The following PTPRN2 variants were observed in gnomAD, a reference collection of about 807,000 sequenced individuals.
The protein encoded by PTPRN2 is receptor-type tyrosine-protein phosphatase N2.
PTPRN2 carries 74 observed loss-of-function variants against 118.8 expected under a neutral mutation model. The ratio of observed to expected loss-of-function variants is 0.62; its 90% CI spans 0.52 to 0.76. The LOEUF (loss-of-function observed/expected upper bound fraction) is 0.76. Among genes scored for constraint, PTPRN2 ranks in the 30% least tolerant of loss-of-function variants. The probability of loss-of-function intolerance (pLI) is 0.00; values close to 1 mark genes in which losing one functional copy is unlikely to be tolerated. For synonymous variants in PTPRN2, 641 were observed against 608.0 expected, an observed-to-expected ratio of 1.05 and a Z score of -0.80; for missense variants, 1,481 against 1,394.4, an observed-to-expected ratio of 1.06 and a Z score of -0.99.
chr7:158,518,470 A>G (rs1202638277), intron 1 of PTPRN2, among the ~76,000 whole-genome samples: 3 of 152,198 alleles, frequency 2.0e-5, no homozygotes, highest in African/African-American at 7.2e-5. Context: ...AAGTGAAGAA[A>G]ATGCACAGCC....
intron 11 of PTPRN2, among the ~76,000 whole-genome samples, chr7:158,020,722 C>G (rs1806813032): frequency 6.6e-6 from 1 of 152,194 alleles, no homozygotes; most frequent in Non-Finnish European, 1.5e-5. Flanking sequence ...GAAACTGATA[C>G]AGAAACGGAA....
At chr7:158,404,518 G>A (rs913833221) in intron 2 of PTPRN2, among the ~76,000 whole-genome samples, 5 of 152,142 alleles carry the variant, frequency 3.3e-5, no homozygotes, top group Admixed American at 3.3e-4. Flanking sequence ...CTCCCCAGGG[G>A]ACGTGGCTTT....
chr7:158,087,958 C>G (rs1813622800), intron 10 of PTPRN2, among the ~76,000 whole-genome samples: 1 of 111,770 alleles, frequency 8.9e-6, no homozygotes, highest in Non-Finnish European at 2.0e-5. Context: ...TCACACAAAC[C>G]TTCTTCCCCT....
rs1797400370 is a variant in PTPRN2 at position 157,690,106 on chromosome 7, C to A, written c.1789-7169G>T. ...GCAACGCGAAAGGCCGAGAGAAGAGCGCTGGGGAGAAGTCCCGGAGGTCCT... is the reference window on the plus strand; with the variant it reads ...GCAACGCGAAAGGCCGAGAGAAGAGAGCTGGGGAGAAGTCCCGGAGGTCCT... On this transcript the variant is annotated intron_variant, in intron 12 of 22. Coordinates refer to ENST00000389418, the MANE Select transcript of PTPRN2 (RefSeq NM_002847.5). The surrounding 1 kb of genome is among the most constrained non-coding windows in gnomAD (Gnocchi z 7.1). Among the ~76,000 whole-genome samples the A allele has an allele frequency of 6.6e-6, 1 of 152,218 alleles. No individual in the cohort carries two copies. Among genetic ancestry groups the A allele is most frequent in the Non-Finnish European group, 1.5e-5 (1 of 68,028 alleles).
chr7:158,270,782 C>CG (rs201232607), intron 3 of PTPRN2, among the ~76,000 whole-genome samples: 4,460 of 99,080 alleles, frequency 0.045, 484 homozygotes, highest in African/African-American at 0.081. Flanking sequence ...CCACCTGGAC[C>CG]ACCCCTCCAC....
At chr7:158,108,036 AC>A (rs929222190) in intron 10 of PTPRN2, among the ~76,000 whole-genome samples, 1 of 150,894 alleles carries the variant, frequency 6.6e-6, no homozygotes, top group Non-Finnish European at 1.5e-5. Context: ...CCCCCAAAAA[AC>A]ATCTGCATCT....
intron 14 of PTPRN2, among the ~76,000 whole-genome samples, chr7:157,635,339 C>T (rs1487126992): frequency 6.6e-6 from 1 of 152,248 alleles, no homozygotes; most frequent in Non-Finnish European, 1.5e-5. Flanking sequence ...GATCAAAGGC[C>T]TCTTGTGTCC....
intron 1 of PTPRN2, among the ~76,000 whole-genome samples, chr7:158,534,600 T>C (rs1430538634): frequency 6.6e-6 from 1 of 152,124 alleles, no homozygotes; most frequent in South Asian, 2.1e-4. Flanking sequence ...CCTCCATCCA[T>C]CTTGCAATGG....
At position 157,540,634 on chromosome 7, in the gene PTPRN2, GAC is replaced by G; in HGVS notation, c.*78_*79del. The G allele has an allele frequency of 8.1e-7, 1 of 1,227,312 alleles. No individual in the cohort carries two copies. The highest frequency in any genetic ancestry group is 1.2e-6 in the Non-Finnish European group (1 of 862,036). The allele number at this position is 1,227,312 out of a possible 1,614,324, so 76.0% of individuals were successfully genotyped here. The stretch of plus-strand genomic sequence containing the variant: ...CTATTACTATGCAGTTATAATAGAA[GAC>G]ACACAATTAAAGTCAGATCATGATT... On this transcript the variant is annotated 3_prime_UTR_variant, in exon 23 of 23. Coordinates refer to ENST00000389418, the MANE Select transcript of PTPRN2 (RefSeq NM_002847.5).
chr7:157,748,526 G>A (rs1801192724), intron 12 of PTPRN2, among the ~76,000 whole-genome samples: 1 of 148,420 alleles, frequency 6.7e-6, no homozygotes, highest in South Asian at 2.1e-4. Context: ...CTGCGTCTCT[G>A]AGCTGTGGGG....
At chr7:158,394,276 G>A (rs901493618) in intron 2 of PTPRN2, among the ~76,000 whole-genome samples, 17 of 152,028 alleles carry the variant, frequency 1.1e-4, no homozygotes, top group East Asian at 1.9e-4. Context: ...CCCCATAGAC[G>A]CCTGGCTCCC....
chr7:157,645,045 A>T (rs1459166956), intron 14 of PTPRN2, among the ~76,000 whole-genome samples: 2 of 152,226 alleles, frequency 1.3e-5, no homozygotes, highest in South Asian at 4.1e-4. Flanking sequence ...CCTCTCTCAG[A>T]GGTGACTGTG....
intron 2 of PTPRN2, among the ~76,000 whole-genome samples, chr7:158,389,640 T>C (rs1265208203): frequency 6.6e-6 from 1 of 152,184 alleles, no homozygotes; most frequent in Non-Finnish European, 1.5e-5. Context: ...GCTGCCGCCG[T>C]CACAAATGCA....
At chr7:157,731,787 GC>G (rs1799942383) in intron 12 of PTPRN2, among the ~76,000 whole-genome samples, 1 of 112,678 alleles carries the variant, frequency 8.9e-6, no homozygotes, top group African/African-American at 3.2e-5. Flanking sequence ...TCCACCCCAT[GC>G]GCCCAGCACA....
chr7:158,421,090 C>A (rs986621561), intron 2 of PTPRN2, among the ~76,000 whole-genome samples: 1 of 152,180 alleles, frequency 6.6e-6, no homozygotes, highest in South Asian at 2.1e-4. Flanking sequence ...TGAGGATTCC[C>A]GTACCCCATT....
At chr7:158,462,009 A>T (rs1419878308) in intron 2 of PTPRN2, among the ~76,000 whole-genome samples, 1 of 152,284 alleles carries the variant, frequency 6.6e-6, no homozygotes, top group Non-Finnish European at 1.5e-5. Context: ...GTCCTTGGAT[A>T]GAACCGCCTG....
Position 157,596,921 on chromosome 7 carries a change from G to A in PTPRN2, c.2419-1606C>T, listed in dbSNP as rs989084393. 6.6e-6 allele frequency among the ~76,000 whole-genome samples: 1 copy of A among 152,142 alleles called. No individual in the cohort carries two copies. Among genetic ancestry groups the A allele is most frequent in the African/African-American group, 2.4e-5 (1 of 41,406 alleles). On this transcript the variant is annotated intron_variant, in intron 16 of 22. Transcript: ENST00000389418. The surrounding 1 kb of genome is among the most constrained non-coding windows in gnomAD (Gnocchi z 4.2). The stretch of plus-strand genomic sequence containing the variant: ...AAATTTTAACCCTATGCAATTTTAA[G>A]CCAACGCACGAGGACATCAGTGGTG...
chr7:158,071,207 TCGTGGTGGTGGAGGTGCC>T (rs1563389778), intron 11 of PTPRN2, among the ~76,000 whole-genome samples: 3 of 16,290 alleles, frequency 1.8e-4, no homozygotes, highest in Non-Finnish European at 2.5e-4. Flanking sequence ...GTGGAGGTGC[TCGTGGTGGTGGAGGTGCC>T]CGTGGTGGTG....
At chr7:158,452,502 G>T (rs1015903824) in intron 2 of PTPRN2, among the ~76,000 whole-genome samples, 37 of 152,238 alleles carry the variant, frequency 2.4e-4, no homozygotes, top group African/African-American at 8.4e-4. Flanking sequence ...CAGGAGCTCT[G>T]AGCACGCCAC....
Sources: allele counts gnomAD v4.1 joint callset (sites outside exome capture counted in the v4.1 genomes callset), GRCh38; gene constraint gnomAD v4.1.1; non-coding constraint Gnocchi (gnomAD v3.1); transcripts MANE v1.5; gene names NCBI Gene and HGNC (gene_info 2026-07-23, HGNC 2026-07-21).